Variants in MCTP2 observed in about 807,000 individuals in gnomAD.
The protein encoded by MCTP2 is multiple C2 and transmembrane domain containing 2, also known as multiple C2 and transmembrane domain-containing protein 2.
In MCTP2, 132 loss-of-function variants were observed where a neutral mutation model predicts 111.6. The ratio of observed to expected loss-of-function variants is 1.18; its 90% CI spans 1.03 to 1.37. The LOEUF is 1.37. MCTP2 is among the 40% of genes most tolerant of loss of function. The pLI, the probability that MCTP2 is intolerant of heterozygous loss-of-function variation, is 0.00. For missense variants in MCTP2, 1,183 were observed against 1,067.9 expected, an observed-to-expected ratio of 1.11 and a Z score of -1.50; for synonymous variants, 395 against 387.7, an observed-to-expected ratio of 1.02 and a Z score of -0.22.
rs28516008 is a variant in MCTP2 at position 94,236,483 on chromosome 15, G to A, written c.-66+4819G>A. Among the ~76,000 whole-genome samples the A allele has an allele frequency of 9.3e-3, 1,363 of 146,698 alleles. 18 individuals carry two copies. The highest frequency in any genetic ancestry group is 0.031 in the African/African-American group (1,247 of 39,956). On this transcript the variant is annotated intron_variant, in intron 1 of 22. Transcript: ENST00000357742. The stretch of plus-strand genomic sequence containing the variant: ...ACATGGATATGTGTGCGAGTGCGTA[G>A]AGTGATGGTTTGCTCTCGGGTATAA...
At chr15:94,244,738 A>G (rs1450785121) in intron 1 of MCTP2, among the ~76,000 whole-genome samples, 1 of 149,758 alleles carries the variant, frequency 6.7e-6, no homozygotes, top group African/African-American at 2.5e-5. Context: ...GTATATGTAT[A>G]CACATACATA....
chr15:94,358,500 A>G lies in MCTP2; in HGVS notation c.1189A>G (p.Asn397Asp). The G allele has an allele frequency of 6.2e-7, 1 of 1,613,696 alleles. No individual in the cohort carries two copies. Among genetic ancestry groups the G allele is most frequent in the South Asian group, 1.1e-5 (1 of 91,078 alleles). ...YKSKTLCKSANPQWQEQFDFH... is the reference protein window; with the variant it reads ...YKSKTLCKSADPQWQEQFDFH... ...TTTCTAGACACTGTGTAAGAGTGCA[A>G]ATCCGCAGTGGCAGGAACAGTTTGA... The change falls in exon 10 of 23, where the codon AAT becomes GAT. Residue 397 changes from asparagine (N) to aspartate (D), a missense_variant. Coordinates refer to ENST00000357742, the MANE Select transcript of MCTP2 (RefSeq NM_001385001.1).
At chr15:94,249,775 G>T (rs145251187) in intron 1 of MCTP2, among the ~76,000 whole-genome samples, 2 of 151,980 alleles carry the variant, frequency 1.3e-5, no homozygotes, top group Non-Finnish European at 2.9e-5. Context: ...ATGAGCCACC[G>T]TGCCTGGCCA....
chr15:94,395,434 A>G (rs1240311709), intron 14 of MCTP2, among the ~76,000 whole-genome samples: 3 of 152,172 alleles, frequency 2.0e-5, no homozygotes, highest in Non-Finnish European at 2.9e-5. Flanking sequence ...TTATTCCTTC[A>G]TATTGATTCT....
chr15:94,354,169 GTTCT>G (rs533335934), intron 8 of MCTP2, among the ~76,000 whole-genome samples: 4 of 152,178 alleles, frequency 2.6e-5, no homozygotes, highest in African/African-American at 9.6e-5. Flanking sequence ...GAAGAGGATA[GTTCT>G]TTCTTTTTAA....
intron 1 of MCTP2, among the ~76,000 whole-genome samples, chr15:94,289,423 A>G (rs2074931594): frequency 1.3e-5 from 2 of 152,184 alleles, no homozygotes; most frequent in Admixed American, 1.3e-4. Context: ...ATTGGGAAAA[A>G]CTAAGAGAAT....
intron 19 of MCTP2, among the ~76,000 whole-genome samples, chr15:94,454,529 T>A (rs2084677482): frequency 6.6e-6 from 1 of 152,190 alleles, no homozygotes; most frequent in Non-Finnish European, 1.5e-5. Flanking sequence ...CCCGTCATCA[T>A]TTTAGGAAGG....
chr15:94,298,261 C>T lies in MCTP2; in HGVS notation c.-5C>T, dbSNP rs771085766. The T allele has an allele frequency of 2.3e-5, 36 of 1,592,096 alleles. No individual in the cohort carries two copies. The highest frequency in any genetic ancestry group is 2.8e-5 in the Non-Finnish European group (33 of 1,169,384). On this transcript the variant is annotated 5_prime_UTR_variant, in exon 2 of 23. It introduces an in-frame stop codon into an upstream open reading frame of the 5' UTR. Coordinates refer to ENST00000357742, the MANE Select transcript of MCTP2 (RefSeq NM_001385001.1). ...AGAAGTGGCTTCTTGGGTCTTCATG[C>T]AGCCATGGATCTGGATAAACCATCT...
At chr15:94,308,094 C>T (rs964178044) in intron 2 of MCTP2, among the ~76,000 whole-genome samples, 5 of 152,196 alleles carry the variant, frequency 3.3e-5, no homozygotes, top group Admixed American at 2.6e-4. Context: ...CCTCTGTATG[C>T]GAAGAGTCCT....
chr15:94,431,629 T>C (rs1011714348), intron 17 of MCTP2, among the ~76,000 whole-genome samples: 4 of 152,232 alleles, frequency 2.6e-5, no homozygotes, highest in African/African-American at 9.6e-5. Context: ...GGCTACTTAT[T>C]GATTTGTTAC....
intron 14 of MCTP2, among the ~76,000 whole-genome samples, chr15:94,391,917 T>G (rs1481725235): frequency 6.6e-6 from 1 of 152,134 alleles, no homozygotes; most frequent in Non-Finnish European, 1.5e-5. Flanking sequence ...ACCTCTTACA[T>G]GGATTCAAAG....
intron 22 of MCTP2, among the ~76,000 whole-genome samples, chr15:94,478,538 A>C (rs1213625196): frequency 6.6e-6 from 1 of 152,230 alleles, no homozygotes; most frequent in Non-Finnish European, 1.5e-5. Context: ...CCTCTCAGGC[A>C]AAGTAAATGT....
In MCTP2 at chr15:94,458,397, T is replaced by C. The variant is rs1389806369; in HGVS notation, c.2360+151T>C. ...TTGGGTTAGCACTGTCTGACTTCAGTTGGCTTCTTAACTTCACAGTTGGGT... is the reference window on the plus strand; with the variant it reads ...TTGGGTTAGCACTGTCTGACTTCAGCTGGCTTCTTAACTTCACAGTTGGGT... On this transcript the variant is annotated intron_variant, in intron 20 of 22. Coordinates refer to ENST00000357742, the MANE Select transcript of MCTP2 (RefSeq NM_001385001.1). 5.0e-6 allele frequency: 3 copies of C among 605,174 alleles called. No individual in the cohort carries two copies. In the Admixed American group the frequency reaches 8.1e-5, roughly 16 times the overall value. The allele number at this position is 605,174 out of a possible 1,614,324, so 37.5% of individuals were successfully genotyped here.
chr15:94,462,432 T>G (rs1044779127), intron 20 of MCTP2, among the ~76,000 whole-genome samples: 1 of 152,216 alleles, frequency 6.6e-6, no homozygotes, highest in Non-Finnish European at 1.5e-5. Context: ...AAATGTTGTT[T>G]TACAAAGTGT....
At chr15:94,457,936 C>G (rs755851050) in intron 19 of MCTP2, among the ~76,000 whole-genome samples, 1 of 152,060 alleles carries the variant, frequency 6.6e-6, no homozygotes, top group Non-Finnish European at 1.5e-5. Flanking sequence ...CTGAGGCTTG[C>G]GCGTTAGGAG....
intron 17 of MCTP2, among the ~76,000 whole-genome samples, chr15:94,418,918 G>A (rs1255581302): frequency 6.6e-6 from 1 of 152,060 alleles, no homozygotes; most frequent in Non-Finnish European, 1.5e-5. Flanking sequence ...CATGTCTAGA[G>A]CAACGGAGTC....
chr15:94,416,554 C>T (rs1332559877), intron 17 of MCTP2, among the ~76,000 whole-genome samples: 1 of 152,088 alleles, frequency 6.6e-6, no homozygotes, highest in Non-Finnish European at 1.5e-5. Flanking sequence ...CTGAATGTTT[C>T]ATCTGTATAT....
intron 7 of MCTP2, chr15:94,342,284 A>G (rs764382261): frequency 6.6e-6 from 1 of 152,202 alleles, no homozygotes; most frequent in Non-Finnish European, 1.5e-5. Flanking sequence ...TAGAGTTTTA[A>G]CATAATGCCA....
chr15:94,261,103 C>G (rs1346139090), intron 1 of MCTP2, among the ~76,000 whole-genome samples: 1 of 152,110 alleles, frequency 6.6e-6, no homozygotes, highest in African/African-American at 2.4e-5. Flanking sequence ...GGAAGCTCCC[C>G]TGCCTCCTCA....
Sources: gnomAD v4.1 joint callset for allele counts (sites outside exome capture counted in the v4.1 genomes callset) on GRCh38, gnomAD v4.1.1 for gene constraint, MANE v1.5 for transcripts, NCBI Gene and HGNC (gene_info 2026-07-23, HGNC 2026-07-21) for gene names.